The following SMARCA1 variants were observed in gnomAD, a reference collection of about 807,000 sequenced individuals.
The protein encoded by SMARCA1 is SWI/SNF-related matrix-associated actin-dependent regulator of chromatin subfamily A member 1.
SMARCA1 carries 17 observed loss-of-function variants against 93.6 expected under a neutral mutation model. The observed-to-expected ratio is 0.18, with a 90% CI of 0.12 to 0.27. The LOEUF is 0.27. Among genes scored for constraint, SMARCA1 ranks in the 10% least tolerant of loss-of-function variants. SMARCA1 has a pLI of 1.00. For missense variants in SMARCA1, 630 were observed against 819.0 expected, an observed-to-expected ratio of 0.77 and a Z score of 2.82; for synonymous variants, 271 against 271.4, an observed-to-expected ratio of 1.00 and a Z score of 0.01.
At chrX:129,492,194 G>A in intron 13 of SMARCA1, 101 bp from the exon 14 acceptor site, 1 of 480,496 alleles carries the variant, frequency 2.1e-6, no homozygotes, top group Non-Finnish European at 3.6e-6. Flanking sequence ...AATACATATA[G>A]AAAATCTTCA....
rs188765874 is a variant in SMARCA1, at chrX:129,487,173, C to T, written c.2098-36G>A. The stretch of plus-strand genomic sequence containing the variant: ...AAACATTGAAATGAGAAAATTATCA[C>T]TGAATTACTTGTAAAAGTCTGTGGA... On this transcript the variant is annotated intron_variant, in intron 16 of 24. Transcript: ENST00000371121. 182 of 1,040,427 alleles carry T rather than the reference C, an allele frequency of 1.7e-4. No homozygotes were observed. In the Admixed American group the frequency reaches 5.2e-3, roughly 30 times the overall value. 85.7% of individuals were successfully genotyped at this position (1,040,427 alleles called of 1,213,427 possible).
At chrX:129,494,732 T>C (rs1039612480) in intron 12 of SMARCA1, among the ~76,000 whole-genome samples, 6 of 111,682 alleles carry the variant, frequency 5.4e-5, no homozygotes, top group Admixed American at 9.5e-5. Flanking sequence ...CCTCACAACA[T>C]TGTCAGAGAA....
intron 17 of SMARCA1, among the ~76,000 whole-genome samples, 193 bp from the exon 18 acceptor site, chrX:129,481,378 T>A (rs1338701264): frequency 8.9e-6 from 1 of 112,389 alleles, no homozygotes; most frequent in Non-Finnish European, 1.9e-5. Context: ...GCAAAGACAG[T>A]TTTCTTTATT....
intron 19 of SMARCA1, among the ~76,000 whole-genome samples, chrX:129,472,248 T>C (rs1365925085): frequency 9.0e-6 from 1 of 111,602 alleles, no homozygotes. Flanking sequence ...AGGAAGCACA[T>C]TGATTTAAGA....
Position 129,496,785 on chromosome X carries a change from G to C in SMARCA1, c.1591C>G (p.Arg531Gly). The C allele has an allele frequency of 1.7e-6, 2 of 1,204,141 alleles. No individual in the cohort carries two copies. The highest frequency in any genetic ancestry group is 1.1e-6 in the Non-Finnish European group (1 of 889,843). Reference protein sequence around the residue: ...YCMWRGYEYCRLDGQTPHEER... With the variant: ...YCMWRGYEYCGLDGQTPHEER... ...TCATGCGGGGTTTGTCCATCCAGTC[G>C]ACAATACTCATAACCACGCCACATG... The change falls in exon 12 of 25, where the codon CGA becomes GGA. Residue 531 changes from arginine (R) to glycine (G), a missense_variant. This residue lies in a region of SMARCA1 where 382 missense variants were observed against 537.9 expected (regional missense o/e 0.71). Transcript: ENST00000371121.
At chrX:129,461,882 T>TA (rs1932811361) in intron 23 of SMARCA1, among the ~76,000 whole-genome samples, 1 of 112,031 alleles carries the variant, frequency 8.9e-6, no homozygotes, top group South Asian at 3.7e-4. Context: ...ACAATCCTTT[T>TA]AGCACAGAGA....
intron 19 of SMARCA1, among the ~76,000 whole-genome samples, chrX:129,472,796 G>A (rs766351531): frequency 2.7e-5 from 3 of 111,988 alleles, no homozygotes; most frequent in East Asian, 2.8e-4. Context: ...TTGAGAATCC[G>A]AAATCCAAAA....
At chrX:129,476,114 C>T (rs1050233572) in intron 19 of SMARCA1, among the ~76,000 whole-genome samples, 2 of 112,012 alleles carry the variant, frequency 1.8e-5, no homozygotes, top group Admixed American at 9.5e-5. Flanking sequence ...ATTGAAATTT[C>T]AATTAAGTCG....
intron 1 of SMARCA1, among the ~76,000 whole-genome samples, chrX:129,520,663 G>T (rs1391618249): frequency 9.0e-6 from 1 of 110,665 alleles, no homozygotes; most frequent in African/African-American, 3.3e-5. Flanking sequence ...CACTGCAGTA[G>T]CATCACTGAT....
chrX:129,522,964 ACCCCGCGCCGCTCCCGCCCGCGCCCAG>A (rs920661537), intron 1 of SMARCA1, among the ~76,000 whole-genome samples: 1 of 108,400 alleles, frequency 9.2e-6, no homozygotes, highest in African/African-American at 3.4e-5. Context: ...GCACCCCTCC[ACCCCGCGCCGCTCCCGCCCGCGCCCAG>A]CCCCGCCCCC....
intron 20 of SMARCA1, 76 bp from the exon 21 acceptor site, chrX:129,468,981 C>A: frequency 1.6e-5 from 10 of 609,882 alleles, no homozygotes; most frequent in Non-Finnish European, 2.4e-5. Flanking sequence ...TACTTCTATA[C>A]AATGATACAT....
At chrX:129,514,779 G>A (rs927875230) in intron 5 of SMARCA1, among the ~76,000 whole-genome samples, 1 of 111,869 alleles carries the variant, frequency 8.9e-6, no homozygotes. Context: ...CAGGGTGGGG[G>A]TGGCTCACAC....
chrX:129,517,538 G>A (rs948294348), intron 2 of SMARCA1, among the ~76,000 whole-genome samples: 7 of 110,917 alleles, frequency 6.3e-5, no homozygotes, highest in Non-Finnish European at 1.1e-4. Context: ...ATCCTCACTG[G>A]AATGTTATTT....
chrX:129,523,138 C>T, intron 1 of SMARCA1, 59 bp downstream of exon 1: 1 of 1,153,564 alleles, frequency 8.7e-7, no homozygotes, highest in Non-Finnish European at 1.2e-6. Context: ...GGGTTTGGGC[C>T]CCTCAGAGGG....
intron 23 of SMARCA1, among the ~76,000 whole-genome samples, chrX:129,456,101 A>T (rs6529371): frequency 0.26 from 28,682 of 110,833 alleles, 3,530 homozygotes; most frequent in East Asian, 0.49. Context: ...TAGGGGCTAA[A>T]GCAGCTGGTG....
intron 19 of SMARCA1, among the ~76,000 whole-genome samples, chrX:129,480,079 T>C (rs1933582184): frequency 8.9e-6 from 1 of 112,368 alleles, no homozygotes; most frequent in Non-Finnish European, 1.9e-5. Flanking sequence ...AATTTCAACA[T>C]ACAGAAATTA....
At chrX:129,471,883 T>C (rs1169595830) in intron 19 of SMARCA1, among the ~76,000 whole-genome samples, 3 of 111,790 alleles carry the variant, frequency 2.7e-5, no homozygotes, top group Non-Finnish European at 3.8e-5. Flanking sequence ...GGGAAGGGTA[T>C]AGTAGAGCAC....
intron 23 of SMARCA1, among the ~76,000 whole-genome samples, chrX:129,464,989 G>A (rs1342267185): frequency 9.0e-6 from 1 of 111,148 alleles, no homozygotes; most frequent in Non-Finnish European, 1.9e-5. Context: ...AAAGGTTGTG[G>A]ATTAAAAGAG....
chrX:129,481,367 T>C lies in SMARCA1; in HGVS notation c.2218-182A>G, dbSNP rs138375399. On this transcript the variant is annotated intron_variant, in intron 17 of 24. Transcript: ENST00000371121. ...AACATAGTGGTACACCAAGTTTAGA[T>C]GCAAAGACAGTTTTCTTTATTTTTA... Among the ~76,000 whole-genome samples, 11 of 112,716 alleles carry C rather than the reference T, an allele frequency of 9.8e-5. No homozygotes were observed. The East Asian group carries it at 3.0e-3, about 31-fold the overall frequency.
Sources: gnomAD v4.1 joint callset for allele counts (sites outside exome capture counted in the v4.1 genomes callset) on GRCh38, gnomAD v4.1.1 for gene constraint, gnomAD v4.1.1 regional missense constraint, MANE v1.5 for transcripts, NCBI Gene and HGNC (gene_info 2026-07-23, HGNC 2026-07-21) for gene names.